The following IL4I1 variants were observed in gnomAD, a reference collection of about 807,000 sequenced individuals.
The protein encoded by IL4I1 is interleukin 4 induced 1.
A neutral mutation model predicts 29.7 loss-of-function variants in IL4I1; 24 were observed. That is an observed-to-expected ratio of 0.81 (90% confidence interval 0.59 to 1.14). The LOEUF (loss-of-function observed/expected upper bound fraction) is 1.14, where lower values mean the gene tolerates loss of function less well. IL4I1 is among the 50% of genes most tolerant of loss of function. The pLI is 0.00. For missense variants in IL4I1, 686 were observed against 785.6 expected (o/e 0.87, Z 1.52); for synonymous variants, 371 against 352.5 (o/e 1.05, Z -0.59).
intron 2 of IL4I1, among the ~76,000 whole-genome samples, chr19:49,923,195 C>G (rs79313658): frequency 6.6e-6 from 1 of 152,164 alleles, no homozygotes; most frequent in Non-Finnish European, 1.5e-5. Flanking sequence ...TCCCAGCCCC[C>G]GCGTCATCCT....
intron 5 of IL4I1, among the ~76,000 whole-genome samples, chr19:49,893,449 T>G (rs1600468679): frequency 2.0e-5 from 3 of 150,842 alleles, no homozygotes; most frequent in African/African-American, 7.3e-5. Flanking sequence ...TGCGGGATGG[T>G]GGGGCCATCG....
chr19:49,909,013 G>C (rs372176952), intron 2 of IL4I1: 2 of 1,612,638 alleles, frequency 1.2e-6, no homozygotes, highest in Admixed American at 3.3e-5. Context: ...TGGAGGTGCC[G>C]GAAGCTGCTC....
rs906654970 is a variant in IL4I1, at chr19:49,890,411, C to T, written c.963G>A (p.Thr321=). ...KVLKADVVLL[T]ASGPAVKRIT... ...TGCGCTTCACCGCCGGTCCGCTCGC[C>T]GTCAGCAGCACCACGTCGGCCTTCA... The change falls in exon 8 of 8, where the codon ACG becomes ACA. Residue 321 remains threonine, a synonymous_variant. Transcript: ENST00000391826. The T allele has an allele frequency of 6.2e-7, 1 of 1,608,796 alleles. No individual in the cohort carries two copies. Among genetic ancestry groups the T allele is most frequent in the East Asian group, 2.2e-5 (1 of 44,812 alleles).
intron 2 of IL4I1, chr19:49,912,845 AAC>A (rs1246612488): frequency 6.6e-6 from 1 of 152,340 alleles, no homozygotes; most frequent in African/African-American, 2.4e-5. Context: ...CAGCCTGGGC[AAC>A]AGAGTGAGAC....
intron 7 of IL4I1, 46 bp downstream of exon 7, chr19:49,890,925 G>A: frequency 1.0e-6 from 1 of 991,186 alleles, no homozygotes; most frequent in South Asian, 2.0e-5. Context: ...TACTTTCCCT[G>A]ATTGCCCCCC....
chr19:49,908,947 G>C, intron 2 of IL4I1: 1 of 1,609,510 alleles, frequency 6.2e-7, no homozygotes, highest in East Asian at 2.2e-5. Context: ...CAAAGCCGGT[G>C]GTGCTGCTGC....
Position 49,908,986 on chromosome 19 carries a change from AGCGGTGGAT to A in IL4I1, c.-227-4674_-227-4666del, listed in dbSNP as rs750501947. 15 of 1,609,180 alleles carry A rather than the reference AGCGGTGGAT, an allele frequency of 9.3e-6. No individual in the cohort carries two copies. Among genetic ancestry groups the A allele is most frequent in the South Asian group, 5.5e-5 (5 of 90,962 alleles). On this transcript the variant is annotated intron_variant, in intron 2 of 9. Transcript: ENST00000341114. The stretch of plus-strand genomic sequence containing the variant: ...TGGTGGTGGTGGCGGTGGCGGTGGC[AGCGGTGGAT>A]GTTGTTGTGGAGGTGCCGGAAGCTG...
intron 2 of IL4I1, among the ~76,000 whole-genome samples, chr19:49,913,364 C>T (rs914045597): frequency 3.9e-5 from 6 of 152,260 alleles, no homozygotes; most frequent in Admixed American, 2.6e-4. Flanking sequence ...CAGATAAGAG[C>T]GCCTTTGTTT....
At chr19:49,898,818 G>A (rs533493943), upstream of IL4I1, among the ~76,000 whole-genome samples, 4 of 152,278 alleles carry the variant, frequency 2.6e-5, no homozygotes, top group East Asian at 5.8e-4. Context: ...GCAGTGAGCC[G>A]AGATTGCACC....
intron 2 of IL4I1, among the ~76,000 whole-genome samples, chr19:49,911,911 CCGTT>C (rs1375880531): frequency 6.6e-6 from 1 of 152,222 alleles, no homozygotes; most frequent in East Asian, 1.9e-4. Context: ...TCCATTCCTC[CCGTT>C]GTGGGACAGA....
At position 49,890,056 on chromosome 19, in the gene IL4I1, C is replaced by T. The variant is rs1358211204; in HGVS notation, c.1318G>A (p.Val440Ile). The change falls in exon 8 of 8, where the codon GTC (valine) becomes ATC (isoleucine). Residue 440 changes from valine (V) to isoleucine (I), a missense_variant. Transcript: ENST00000391826. ...TGGTCCTCCGCCCAACGCTTGACGA[C>T]GCCGGTGCCGTCCCAGAGCTGGCGC... ...VVRQLWDGTG[V>I]VKRWAEDQHS... 2.8e-5 allele frequency: 44 copies of T among 1,550,010 alleles called. No individual in the cohort carries two copies. Among genetic ancestry groups the T allele is most frequent in the Non-Finnish European group, 3.6e-5 (41 of 1,147,176 alleles).
intron 5 of IL4I1, among the ~76,000 whole-genome samples, chr19:49,891,765 TCAGC>T (rs1444458437): frequency 8.5e-5 from 13 of 152,332 alleles, no homozygotes; most frequent in Middle Eastern, 3.4e-3. Context: ...TGCCTATTTT[TCAGC>T]CAGCCAGCCA....
intron 2 of IL4I1, among the ~76,000 whole-genome samples, chr19:49,924,412 G>T (rs945557336): frequency 1.1e-4 from 16 of 152,160 alleles, no homozygotes; most frequent in African/African-American, 3.9e-4. Context: ...CTAACCGGGA[G>T]CGGTTGCCAG....
At position 49,908,138 on chromosome 19, in the gene IL4I1, C is replaced by T. The variant is rs11547267; in HGVS notation, c.-227-3817G>A. 42 of 1,525,704 alleles carry T rather than the reference C, an allele frequency of 2.8e-5. No homozygotes were observed. In the East Asian group the frequency reaches 7.0e-4, roughly 25 times the overall value. The allele number at this position is 1,525,704 out of a possible 1,614,324, so 94.5% of individuals were successfully genotyped here. On this transcript the variant is annotated intron_variant, in intron 2 of 9. Coordinates refer to the IL4I1 transcript ENST00000341114. ...AGGGCAGTCATGTGAAAGAAAGAAACAAACAAACAAGTATCTTGCCACAAC... is the reference window on the plus strand; with the variant it reads ...AGGGCAGTCATGTGAAAGAAAGAAATAAACAAACAAGTATCTTGCCACAAC...
upstream of IL4I1, chr19:49,896,960 C>T (rs147055012): frequency 1.1e-3 from 992 of 883,758 alleles, 6 homozygotes; most frequent in African/African-American, 0.017. Flanking sequence ...GGAAACTGGC[C>T]GAGGGAAATG....
At chr19:49,926,394 G>A (rs1293062603) in intron 2 of IL4I1, among the ~76,000 whole-genome samples, 1 of 151,952 alleles carries the variant, frequency 6.6e-6, no homozygotes, top group Non-Finnish European at 1.5e-5. Flanking sequence ...GCCAGGCGTG[G>A]TGGTGGGCGC....
rs560882790 is a variant in IL4I1 at position 49,896,398 on chromosome 19, C to T, written c.-22-216G>A. On this transcript the variant is annotated intron_variant, in intron 1 of 7. Transcript: ENST00000391826. Reference sequence around the variant, plus strand: ...GTCTCCACCTCTGCCACAGCTCTCTCGGGTTCCTGTCTCTTTCTCTTCTTT... The same window carrying T: ...GTCTCCACCTCTGCCACAGCTCTCTTGGGTTCCTGTCTCTTTCTCTTCTTT... Among the ~76,000 whole-genome samples, 11 of 152,110 alleles carry T rather than the reference C, an allele frequency of 7.2e-5. No homozygotes were observed. The East Asian group carries it at 1.5e-3, about 21-fold the overall frequency.
chr19:49,893,433 C>T (rs906168597), intron 5 of IL4I1, among the ~76,000 whole-genome samples: 6 of 151,814 alleles, frequency 4.0e-5, no homozygotes, highest in East Asian at 2.0e-4. Flanking sequence ...GGGGTCTGCC[C>T]GTGACTGCGG....
chr19:49,890,722 A>ACCT, intron 7 of IL4I1, 122 bp from the exon 8 acceptor site: 1 of 826,860 alleles, frequency 1.2e-6, no homozygotes, highest in Non-Finnish European at 1.7e-6. Flanking sequence ...CCCGTCATCC[A>ACCT]CCTCTCCCGA....
Sources: gnomAD v4.1 joint callset for allele counts (sites outside exome capture counted in the v4.1 genomes callset) on GRCh38, gnomAD v4.1.1 for gene constraint, MANE v1.5 for transcripts, NCBI Gene and HGNC (gene_info 2026-07-23, HGNC 2026-07-21) for gene names.